Variants in ME2 observed in about 807,000 individuals in gnomAD.
ME2 encodes the protein malic enzyme 2.
In ME2, 60 loss-of-function variants were observed where a neutral mutation model predicts 73.7. The ratio of observed to expected loss-of-function variants is 0.81; its 90% CI spans 0.66 to 1.01. The LOEUF (loss-of-function observed/expected upper bound fraction) is 1.01. Ranked by LOEUF, ME2 falls within the 50% of genes least tolerant of loss-of-function variation. ME2 has a pLI of 0.00. For synonymous variants in ME2, 199 were observed against 236.9 expected (o/e 0.84, Z 1.47); for missense variants, 594 against 705.5 (o/e 0.84, Z 1.79).
chr18:50,885,540 T>G (rs1916441597), intron 1 of ME2, among the ~76,000 whole-genome samples: 1 of 151,976 alleles, frequency 6.6e-6, no homozygotes, highest in Admixed American at 6.6e-5. Context: ...TATATAAAAC[T>G]TTTTTTAAAT....
chr18:50,894,682 AAC>A (rs1916692444), intron 1 of ME2, among the ~76,000 whole-genome samples: 2 of 152,118 alleles, frequency 1.3e-5, no homozygotes, highest in African/African-American at 4.8e-5. Flanking sequence ...CATCCTGGAC[AAC>A]ACAGTGAAAC....
At chr18:50,883,733 G>A (rs550890329) in intron 1 of ME2, among the ~76,000 whole-genome samples, 2 of 152,224 alleles carry the variant, frequency 1.3e-5, no homozygotes, top group East Asian at 1.9e-4. Flanking sequence ...GCATGGTGGT[G>A]GGCACCTGTA....
At chr18:50,933,002 A>G (rs529676161) in intron 13 of ME2, 68 of 152,336 alleles carry the variant, frequency 4.5e-4, no homozygotes, top group African/African-American at 1.6e-3. Flanking sequence ...ACCAAAGGAA[A>G]TTAATAATAA....
intron 1 of ME2, among the ~76,000 whole-genome samples, chr18:50,893,118 C>T (rs1916643253): frequency 1.3e-5 from 1 of 75,922 alleles, no homozygotes. Context: ...GGGTAAGACT[C>T]TATCTCAAAA....
chr18:50,932,548 G>A (rs867220103), intron 13 of ME2, 188 bp downstream of exon 13: 2 of 435,458 alleles, frequency 4.6e-6, no homozygotes, highest in Admixed American at 4.1e-5. Flanking sequence ...TATTCATATT[G>A]TTAATTAAAT....
chr18:50,880,030 ATCT>A (rs1268789565), intron 1 of ME2, among the ~76,000 whole-genome samples: 1 of 152,194 alleles, frequency 6.6e-6, no homozygotes, highest in Non-Finnish European at 1.5e-5. Context: ...ACGTTTTATC[ATCT>A]TCTGTCTGTG....
At position 50,948,404 on chromosome 18, in the gene ME2, C is replaced by T. The variant is rs1918139870; in HGVS notation, c.*1220C>T. ...CCATGCTTGCTCTTAGGGAAGAAAA[C>T]TTAAATGCTCATTCTAGGATAGTAA... On this transcript the variant is annotated 3_prime_UTR_variant, in exon 16 of 16. Transcript: ENST00000321341. 6.6e-6 allele frequency: 1 copy of T among 152,052 alleles called. No homozygotes were observed. The highest frequency in any genetic ancestry group is 2.4e-5 in the African/African-American group (1 of 41,392). The allele number at this position is 152,052 out of a possible 1,614,324, so 9.4% of individuals were successfully genotyped here.
intron 15 of ME2, 150 bp from the exon 16 acceptor site, chr18:50,946,867 T>A (rs1198799211): frequency 1.5e-6 from 1 of 666,208 alleles, no homozygotes; most frequent in Non-Finnish European, 2.7e-6. Context: ...TTTCCAAATG[T>A]TTTGAAAGGA....
intron 12 of ME2, 31 bp downstream of exon 12, chr18:50,925,929 A>G (rs1568171182): frequency 1.3e-6 from 2 of 1,512,872 alleles, no homozygotes; most frequent in East Asian, 2.3e-5. Flanking sequence ...TGATATGTAT[A>G]TTATTTTCCC....
At chr18:50,930,237 G>T (rs947509174) in intron 12 of ME2, among the ~76,000 whole-genome samples, 1 of 152,068 alleles carries the variant, frequency 6.6e-6, no homozygotes, top group Admixed American at 6.6e-5. Flanking sequence ...TCCAGCCTGG[G>T]CAACAGAATG....
At chr18:50,915,326 C>A (rs965844612) in intron 4 of ME2, 1 of 152,118 alleles carries the variant, frequency 6.6e-6, no homozygotes, top group Non-Finnish European at 1.5e-5. Context: ...GAAACCCTAT[C>A]TCTACTAAAA....
intron 9 of ME2, 135 bp from the exon 10 acceptor site, chr18:50,920,939 A>T (rs1287111583): frequency 2.9e-6 from 2 of 696,660 alleles, no homozygotes; most frequent in Non-Finnish European, 2.3e-6. Flanking sequence ...AGAGAATATC[A>T]CGAAGAATTT....
At chr18:50,939,386 G>A (rs1254709863) in intron 13 of ME2, 184 bp from the exon 14 acceptor site, 7 of 489,332 alleles carry the variant, frequency 1.4e-5, no homozygotes, top group African/African-American at 3.9e-5. Flanking sequence ...ATTACTTAGC[G>A]AATAAGAATT....
chr18:50,936,142 T>G (rs1166912317), intron 13 of ME2, among the ~76,000 whole-genome samples: 1 of 152,164 alleles, frequency 6.6e-6, no homozygotes, highest in African/African-American at 2.4e-5. Context: ...AAAGATTTCC[T>G]TCAAAGAAGC....
At chr18:50,896,668 G>A (rs974539645) in intron 2 of ME2, among the ~76,000 whole-genome samples, 1 of 152,086 alleles carries the variant, frequency 6.6e-6, no homozygotes, top group Non-Finnish European at 1.5e-5. Flanking sequence ...ACCTTTTGGG[G>A]AAAGGTAAAT....
rs1361293540 is a variant in ME2, at chr18:50,915,834, A to T, written c.393-334A>T. On this transcript the variant is annotated intron_variant, in intron 4 of 15. Coordinates refer to ENST00000321341, the MANE Select transcript of ME2 (RefSeq NM_002396.5). ...TTAACAATAGTTTAGTTGGCCTTGT[A>T]CTGCTCTCCTGCATTGGTGGCTTGC... 9 of 188,480 alleles carry T rather than the reference A, an allele frequency of 4.8e-5. No homozygotes were observed. The East Asian group carries it at 1.3e-3, about 27-fold the overall frequency. 11.7% of individuals were successfully genotyped at this position (188,480 alleles called of 1,614,324 possible).
chr18:50,886,232 A>G (rs1298702656), intron 1 of ME2, among the ~76,000 whole-genome samples: 1 of 148,938 alleles, frequency 6.7e-6, no homozygotes, highest in Non-Finnish European at 1.5e-5. Context: ...TAAAATTGAG[A>G]AAGGGTAAGT....
At chr18:50,933,866 C>T (rs1244460743) in intron 13 of ME2, 1 of 152,080 alleles carries the variant, frequency 6.6e-6, no homozygotes, top group East Asian at 1.9e-4. Context: ...TTCTTTGTGT[C>T]CATGAGTTCT....
intron 4 of ME2, 162 bp from the exon 5 acceptor site, chr18:50,916,006 C>T (rs1370674268): frequency 8.9e-6 from 5 of 559,726 alleles, no homozygotes; most frequent in South Asian, 2.5e-5. Context: ...GTTTGAAGTA[C>T]TTGAAAATGT....
Sources: gnomAD v4.1 joint callset for allele counts (sites outside exome capture counted in the v4.1 genomes callset) on GRCh38, gnomAD v4.1.1 for gene constraint, MANE v1.5 for transcripts, NCBI Gene and HGNC (gene_info 2026-07-23, HGNC 2026-07-21) for gene names.